The following ASB5 variants were observed in gnomAD, a reference collection of about 807,000 sequenced individuals.
ASB5 encodes ankyrin repeat and SOCS box containing 5.
A neutral mutation model predicts 42.1 loss-of-function variants in ASB5; 45 were observed. The ratio of observed to expected loss-of-function variants is 1.07; its 90% CI spans 0.84 to 1.37. The LOEUF is 1.37. ASB5 is among the 40% of genes most tolerant of loss of function. The pLI, the probability that ASB5 is intolerant of heterozygous loss-of-function variation, is 0.00. For missense variants in ASB5, 402 were observed against 399.8 expected (o/e 1.01, Z -0.05); for synonymous variants, 147 against 150.6 (o/e 0.98, Z 0.18).
chr4:176,271,283 C>T (rs1454165), upstream of ASB5, among the ~76,000 whole-genome samples: 98,869 of 151,982 alleles, frequency 0.65, 32,411 homozygotes, highest in Middle Eastern at 0.72. Flanking sequence ...TCATAGCATA[C>T]GAATTCTTCA....
At chr4:176,231,565 G>C (rs1038063041) in intron 1 of ASB5, among the ~76,000 whole-genome samples, 2 of 148,984 alleles carry the variant, frequency 1.3e-5, no homozygotes, top group Non-Finnish European at 3.0e-5. Context: ...GCTTATGCCT[G>C]TAACCCCAGC....
chr4:176,275,900 C>T (rs1174954540), exon 2 of ASB5: 1 of 152,258 alleles, frequency 6.6e-6, no homozygotes, highest in Admixed American at 6.5e-5. Context: ...AGAATTTATT[C>T]TTCCACCTGT....
intron 1 of ASB5, among the ~76,000 whole-genome samples, chr4:176,231,935 G>C (rs1191889694): frequency 6.6e-6 from 1 of 152,036 alleles, no homozygotes; most frequent in African/African-American, 2.4e-5. Context: ...GGACTCAATA[G>C]AGAGCTAGCT....
intron 1 of ASB5, among the ~76,000 whole-genome samples, chr4:176,232,127 A>ATT (rs1561257128): frequency 7.8e-4 from 97 of 125,066 alleles, no homozygotes; most frequent in African/African-American, 2.9e-3. Context: ...ATATATATAT[A>ATT]CTTTTTTTTT....
rs1753140721 is a variant in ASB5 at position 176,219,605 on chromosome 4, T to TATATATATATAA, written c.670+1549_670+1550insTTATATATATAT. On this transcript the variant is annotated intron_variant, in intron 5 of 6. Coordinates refer to ENST00000296525, the MANE Select transcript of ASB5 (RefSeq NM_080874.4). ...ATATATATATATATATATATATATATATATATATATATAGGCTGGAGTACA... is the reference window on the plus strand; with the variant it reads ...ATATATATATATATATATATATATATATATATATATAAATATATATATATAGGCTGGAGTACA... Among the ~76,000 whole-genome samples, 3 of 122,586 alleles carry TATATATATATAA rather than the reference T, an allele frequency of 2.4e-5. 1 individual carries two copies. Among genetic ancestry groups the TATATATATATAA allele is most frequent in the Non-Finnish European group, 3.3e-5 (2 of 59,912 alleles). The allele number at this position is 122,586 out of a possible 152,430, so 80.4% of individuals were successfully genotyped here.
rs917694267 is a variant in ASB5, at chr4:176,240,754, G to T, written c.197-15413C>A. The stretch of plus-strand genomic sequence containing the variant: ...ACACAACCAATTACAAACTTAAAGA[G>T]CTCACTGCTTCCAAGAAGTGGTATT... On this transcript the variant is annotated intron_variant, in intron 1 of 6. Coordinates refer to ENST00000296525, the MANE Select transcript of ASB5 (RefSeq NM_080874.4). 2.0e-5 allele frequency among the ~76,000 whole-genome samples: 3 copies of T among 152,132 alleles called. 1 individual carries two copies. The South Asian group carries it at 6.2e-4, about 32-fold the overall frequency.
chr4:176,234,698 G>T (rs562879418), intron 1 of ASB5, among the ~76,000 whole-genome samples: 1 of 152,302 alleles, frequency 6.6e-6, no homozygotes, highest in South Asian at 2.1e-4. Context: ...TGTCTGAGCA[G>T]CCGTATGGAG....
chr4:176,224,593 G>T (rs1407973517), intron 2 of ASB5, among the ~76,000 whole-genome samples: 3 of 141,018 alleles, frequency 2.1e-5, no homozygotes, highest in African/African-American at 8.0e-5. Flanking sequence ...GGCTGGTCTC[G>T]AACTCCTGAC....
chr4:176,224,951 G>A (rs572691685), intron 2 of ASB5, among the ~76,000 whole-genome samples: 3 of 152,176 alleles, frequency 2.0e-5, no homozygotes, highest in African/African-American at 7.2e-5. Context: ...TGCACATATT[G>A]TGCAGAGTTA....
chr4:176,262,999 G>T (rs905262756), intron 1 of ASB5, among the ~76,000 whole-genome samples: 1 of 152,198 alleles, frequency 6.6e-6, no homozygotes, highest in African/African-American at 2.4e-5. Context: ...GATCCTCAAT[G>T]TTGGAGGTGT....
rs1017768968 is a variant in ASB5, at chr4:176,241,738, T to A, written c.197-16397A>T. ...GCATCTTGGAAAAAAAATTGAGCAG[T>A]TGTTATCCAACAGTTAACCTTTGTT... is the stretch of plus-strand genomic sequence containing the variant. On this transcript the variant is annotated intron_variant, in intron 1 of 6. Transcript: ENST00000296525. 2.6e-6 allele frequency: 3 copies of A among 1,136,152 alleles called. No homozygotes were observed. The Admixed American group carries it at 1.1e-4, about 43-fold the overall frequency. The allele number at this position is 1,136,152 out of a possible 1,614,324, so 70.4% of individuals were successfully genotyped here.
chr4:176,267,217 T>C (rs1754374827), intron 1 of ASB5, among the ~76,000 whole-genome samples: 1 of 152,236 alleles, frequency 6.6e-6, no homozygotes, highest in Non-Finnish European at 1.5e-5. Flanking sequence ...TCTGCAAATA[T>C]GGCTTTTGTT....
At position 176,219,569 on chromosome 4, in the gene ASB5, T is replaced by A. The variant is rs28444070; in HGVS notation, c.670+1586A>T. Among the ~76,000 whole-genome samples the A allele has an allele frequency of 9.7e-5, 4 of 41,220 alleles. 1 individual carries two copies. Among genetic ancestry groups the A allele is most frequent in the Non-Finnish European group, 2.1e-4 (4 of 18,864 alleles). The allele number at this position is 41,220 out of a possible 152,430, so 27.0% of individuals were successfully genotyped here. On this transcript the variant is annotated intron_variant, in intron 5 of 6. Coordinates refer to ENST00000296525, the MANE Select transcript of ASB5 (RefSeq NM_080874.4). ...GTATGATATATAAATATGTATATAT[T>A]TGTATGATATATATATATATATATA...
chr4:176,231,225 AT>A (rs35699083), intron 1 of ASB5, among the ~76,000 whole-genome samples: 13,482 of 149,566 alleles, frequency 0.09, 657 homozygotes, highest in Middle Eastern at 0.13. Flanking sequence ...CCGACTCATA[AT>A]TTTTTTTTTT....
chr4:176,233,987 C>T (rs568357230), intron 1 of ASB5, among the ~76,000 whole-genome samples: 155 of 152,242 alleles, frequency 1.0e-3, no homozygotes, highest in Admixed American at 2.7e-3. Context: ...ACCCACCAGG[C>T]GCACACCAGG....
Position 176,269,050 on chromosome 4 carries a change from G to A in ASB5, c.59C>T (p.Thr20Ile), listed in dbSNP as rs768280473. The A allele has an allele frequency of 6.2e-7, 1 of 1,613,270 alleles. No homozygotes were observed. Among genetic ancestry groups the A allele is most frequent in the South Asian group, 1.1e-5 (1 of 90,968 alleles). Residue 20 changes from threonine to isoleucine, a missense_variant, in exon 1 of 7, where the codon ACA (threonine) becomes ATA (isoleucine). Transcript: ENST00000296525. ...FAQQLSNVYF[T>I]ILSLFCFKLF... is the part of the protein sequence containing the mutation. ...CTTAAAACAGAACAGCGAAAGTATTGTAAAGTAGACATTGGATAATTGTTG... is the reference window on the plus strand; with the variant it reads ...CTTAAAACAGAACAGCGAAAGTATTATAAAGTAGACATTGGATAATTGTTG...
chr4:176,276,953 A>G (rs1033694303), intron 1 of ASB5, among the ~76,000 whole-genome samples: 5 of 152,180 alleles, frequency 3.3e-5, no homozygotes, highest in Non-Finnish European at 5.9e-5. Flanking sequence ...AGAAAGTGGT[A>G]GGCAGGCAGG....
chr4:176,223,630 A>T (rs1435949124), intron 2 of ASB5, among the ~76,000 whole-genome samples: 1 of 152,202 alleles, frequency 6.6e-6, no homozygotes, highest in Non-Finnish European at 1.5e-5. Flanking sequence ...GACATGAAGA[A>T]TTTTTAAATG....
At chr4:176,228,725 A>C (rs1425279197) in intron 1 of ASB5, among the ~76,000 whole-genome samples, 1 of 152,224 alleles carries the variant, frequency 6.6e-6, no homozygotes, top group Non-Finnish European at 1.5e-5. Context: ...AATTGGTGGC[A>C]AGGTCATAAC....
Sources: allele counts gnomAD v4.1 joint callset (sites outside exome capture counted in the v4.1 genomes callset), GRCh38; gene constraint gnomAD v4.1.1; transcripts MANE v1.5; gene names NCBI Gene and HGNC (gene_info 2026-07-23, HGNC 2026-07-21).